The following HERC1 variants were observed in gnomAD, a reference collection of about 807,000 sequenced individuals.
HERC1 encodes HECT and RLD domain containing E3 ubiquitin protein ligase family member 1.
HERC1 carries 160 observed loss-of-function variants against 554.3 expected under a neutral mutation model. The ratio of observed to expected loss-of-function variants is 0.29; its 90% CI spans 0.25 to 0.33. HERC1 has a LOEUF of 0.33. Ranked by LOEUF, HERC1 falls within the 10% of genes least tolerant of loss-of-function variation. HERC1 has a pLI of 1.00. For synonymous variants in HERC1, 2,175 were observed against 2,131.7 expected, an observed-to-expected ratio of 1.02 and a Z score of -0.56; for missense variants, 4,919 against 5,918.5, an observed-to-expected ratio of 0.83 and a Z score of 5.54.
chr15:63,787,642 A>G (rs886188867), intron 1 of HERC1, among the ~76,000 whole-genome samples: 2 of 152,064 alleles, frequency 1.3e-5, no homozygotes, highest in African/African-American at 2.4e-5. Context: ...GCACACATCT[A>G]CAGTCCTAGC....
intron 1 of HERC1, among the ~76,000 whole-genome samples, chr15:63,778,003 A>C (rs955024353): frequency 6.6e-6 from 1 of 152,250 alleles, no homozygotes; most frequent in East Asian, 1.9e-4. Context: ...GGACTTCTAC[A>C]TAGTTGAAGA....
chr15:63,790,654 C>A lies in HERC1; in HGVS notation c.-26-15005G>T, dbSNP rs1311781334. On this transcript the variant is annotated intron_variant, in intron 1 of 77. Transcript: ENST00000443617. ...CACCCAAACTCAGGATAGTGATTGC[C>A]CAGGGGGTTGGTGGGTATCAAACAG... Among the ~76,000 whole-genome samples the A allele has an allele frequency of 3.3e-5, 5 of 152,006 alleles. No individual in the cohort carries two copies. In the East Asian group the frequency reaches 5.8e-4, roughly 18 times the overall value.
chr15:63,656,331 A>G lies in HERC1; in HGVS notation c.9627T>C (p.Gly3209=), dbSNP rs1430657737. Residue 3209 remains glycine (G), a synonymous_variant, in exon 49 of 78, where the codon GGT becomes GGC. Transcript: ENST00000443617. ...TATCTGTTAGCCCCAGAGACTCAAG[A>G]CCAGCAGCCAGGCTACAACTGGAAC... ...VSGSSCSLAA[G]LESLGLTDIR... is the part of the protein sequence containing the mutation. The G allele has an allele frequency of 6.2e-7, 1 of 1,612,224 alleles. No individual in the cohort carries two copies. Among genetic ancestry groups the G allele is most frequent in the African/African-American group, 1.3e-5 (1 of 74,932 alleles).
chr15:63,759,179 T>A (rs1473530778), intron 3 of HERC1, among the ~76,000 whole-genome samples: 1 of 152,202 alleles, frequency 6.6e-6, no homozygotes, highest in Non-Finnish European at 1.5e-5. Context: ...AAGAATCCTA[T>A]GATTCTTGAA....
At position 63,652,467 on chromosome 15, in the gene HERC1, C is replaced by T. The variant is rs1085307759; in HGVS notation, c.10365G>A (p.Trp3455Ter). 6.2e-7 allele frequency: 1 copy of T among 1,611,888 alleles called. No homozygotes were observed. The highest frequency in any genetic ancestry group is 8.5e-7 in the Non-Finnish European group (1 of 1,178,736). Residue 3455 changes from tryptophan (W) to a stop codon, truncating the protein, a stop_gained, in exon 52 of 78, where the codon TGG (tryptophan) becomes TGA (stop). Coordinates refer to ENST00000443617, the MANE Select transcript of HERC1 (RefSeq NM_003922.4). LOFTEE classifies it high-confidence loss of function. ...TSGNDGTIRV[W>*]NVTKKQYSLQ... ...GTGAATATTGCTTCTTGGTAACATT[C>T]CATACGCGGATGGTGCCATCATTGC...
intron 1 of HERC1, 76 bp downstream of exon 1, chr15:63,833,751 G>GCACACACACACA (rs1327103352): frequency 2.9e-4 from 21 of 72,340 alleles, no homozygotes; most frequent in Middle Eastern, 6.9e-3. Flanking sequence ...ACACGCGCGC[G>GCACACACACACA]CGCACACACA....
In HERC1 at chr15:63,784,605, ATT is replaced by A. The variant is rs11338494; in HGVS notation, c.-26-8958_-26-8957del. On this transcript the variant is annotated intron_variant, in intron 1 of 77. Transcript: ENST00000443617. ...TATATATGCATGTATTATCATGCAA[ATT>A]TTTTTTTTTTTCCTTTTTGAGACAG... 2.5e-3 allele frequency among the ~76,000 whole-genome samples: 373 copies of A among 148,358 alleles called. 3 individuals carry two copies. Among genetic ancestry groups the A allele is most frequent in the African/African-American group, 7.5e-3 (303 of 40,486 alleles).
rs568183215 is a variant in HERC1, at chr15:63,620,503, A to G, written c.13688+2312T>C. On this transcript the variant is annotated intron_variant, in intron 74 of 77. Coordinates refer to ENST00000443617, the MANE Select transcript of HERC1 (RefSeq NM_003922.4). Reference sequence around the variant, plus strand: ...GGGGTGGAGAGTTCTGTAGATATCTATTAGGTCTGCTTGGTGCAGAGCTGA... The same window carrying G: ...GGGGTGGAGAGTTCTGTAGATATCTGTTAGGTCTGCTTGGTGCAGAGCTGA... Among the ~76,000 whole-genome samples the G allele has an allele frequency of 2.3e-3, 355 of 152,304 alleles. 4 individuals carry two copies. The highest frequency in any genetic ancestry group is 8.4e-3 in the African/African-American group (350 of 41,544).
intron 50 of HERC1, among the ~76,000 whole-genome samples, chr15:63,654,868 C>CA (rs879928288): frequency 2.2e-3 from 296 of 131,882 alleles, no homozygotes; most frequent in African/African-American, 5.7e-3. Flanking sequence ...GACTCCATCT[C>CA]AAAAAAAAAA....
rs373601975 is a variant in HERC1 at position 63,696,143 on chromosome 15, C to A, written c.5102G>T (p.Gly1701Val). The change falls in exon 27 of 78, where the codon GGC becomes GTC. Residue 1701 changes from glycine to valine, a missense_variant. This residue lies in a region of HERC1 where 1,121 missense variants were observed against 1,244.0 expected (regional missense o/e 0.90). Coordinates refer to ENST00000443617, the MANE Select transcript of HERC1 (RefSeq NM_003922.4). ...ACCTACCTGATAGTGATGCAATCGG[C>A]CACTCTCTCCCTTGCCTCCTGTGTG... ...VGHTGGKGES[G>V]RLHHYQDGIR... 1 of 1,612,520 alleles carries A rather than the reference C, an allele frequency of 6.2e-7. No homozygotes were observed. The highest frequency in any genetic ancestry group is 1.3e-5 in the African/African-American group (1 of 74,910).
intron 14 of HERC1, among the ~76,000 whole-genome samples, chr15:63,730,409 T>C (rs2074242851): frequency 6.6e-6 from 1 of 150,510 alleles, no homozygotes; most frequent in Non-Finnish European, 1.5e-5. Flanking sequence ...TAGTGAGCTA[T>C]GATGGTGCCA....
rs185265261 is a variant in HERC1 at position 63,830,387 on chromosome 15, A to C, written c.-27+3440T>G. Among the ~76,000 whole-genome samples, 223 of 152,326 alleles carry C rather than the reference A, an allele frequency of 1.5e-3. 1 individual carries two copies. The highest frequency in any genetic ancestry group is 2.3e-3 in the Non-Finnish European group (156 of 68,030). The stretch of plus-strand genomic sequence containing the variant: ...CATCAGACAAACCCAAAATGAAAGA[A>C]GTTCTAAAAAATAACAGTACTCATC... On this transcript the variant is annotated intron_variant, in intron 1 of 77. Transcript: ENST00000443617.
chr15:63,698,577 T>C, intron 26 of HERC1, 151 bp downstream of exon 26: 1 of 714,968 alleles, frequency 1.4e-6, no homozygotes, highest in South Asian at 2.0e-5. Flanking sequence ...TGTGCTGTTC[T>C]AGTGAAGAAT....
intron 37 of HERC1, among the ~76,000 whole-genome samples, chr15:63,675,504 G>C (rs2071151571): frequency 6.6e-6 from 1 of 152,150 alleles, no homozygotes; most frequent in Admixed American, 6.5e-5. Context: ...AAACAAATGG[G>C]TGTGGCTGTG....
At chr15:63,788,132 C>T (rs2076516232) in intron 1 of HERC1, among the ~76,000 whole-genome samples, 1 of 151,964 alleles carries the variant, frequency 6.6e-6, no homozygotes, top group South Asian at 2.1e-4. Flanking sequence ...AAATGAAAAG[C>T]AGTACAGAAT....
At chr15:63,622,041 G>A (rs1014174219) in intron 74 of HERC1, among the ~76,000 whole-genome samples, 3 of 152,012 alleles carry the variant, frequency 2.0e-5, no homozygotes, top group South Asian at 2.1e-4. Context: ...GAGGAGCTGC[G>A]TAATCATTCT....
chr15:63,649,133 T>C (rs2152878141), intron 54 of HERC1, among the ~76,000 whole-genome samples: 1 of 152,272 alleles, frequency 6.6e-6, no homozygotes, highest in Middle Eastern at 3.4e-3. Context: ...GGTGGGCGGA[T>C]CACAAGGTGA....
rs2069150410 is a variant in HERC1, at chr15:63,643,044, C to T, written c.11346G>A (p.Leu3782=). ...CTCCAGAGCCTATCACAACAGTTTG[C>T]AAGACAGAGCCATCCTAAAATGAGA... ...NIWSLRDGSV[L]QTVVIGSGAI... The change falls in exon 59 of 78, where the codon TTG becomes TTA. Residue 3782 remains leucine, a synonymous_variant. Transcript: ENST00000443617. 2.5e-6 allele frequency: 4 copies of T among 1,608,646 alleles called. No homozygotes were observed. In the South Asian group the frequency reaches 3.3e-5, roughly 13 times the overall value.
chr15:63,826,142 G>A (rs2077894545), intron 1 of HERC1, among the ~76,000 whole-genome samples: 1 of 152,138 alleles, frequency 6.6e-6, no homozygotes. Context: ...CAATTAATGT[G>A]TTCCAAGCAC....
Sources: gnomAD v4.1 joint callset for allele counts (sites outside exome capture counted in the v4.1 genomes callset) on GRCh38, gnomAD v4.1.1 for gene constraint, gnomAD v4.1.1 regional missense constraint, MANE v1.5 for transcripts, NCBI Gene and HGNC (gene_info 2026-07-23, HGNC 2026-07-21) for gene names.